Variants in SLC35F4 observed in about 807,000 individuals in gnomAD.
SLC35F4 encodes chromosome 14 open reading frame 36.
Under a neutral mutation model 44.2 loss-of-function variants are expected in SLC35F4, and 24 were observed. That is an observed-to-expected ratio of 0.54 (90% confidence interval 0.39 to 0.76). SLC35F4 has a LOEUF of 0.76. Among genes scored for constraint, SLC35F4 ranks in the 30% least tolerant of loss-of-function variants. SLC35F4 has a pLI of 0.00. For synonymous variants in SLC35F4, 238 were observed against 223.6 expected (o/e 1.06, Z -0.57); for missense variants, 562 against 586.1 (o/e 0.96, Z 0.42).
Position 57,578,325 on chromosome 14 carries a change from G to GTTTTTTTTTTTT in SLC35F4, c.807+2877_807+2888dup, listed in dbSNP as rs199785589. On this transcript the variant is annotated intron_variant, in intron 4 of 7. Coordinates refer to ENST00000556826, the MANE Select transcript of SLC35F4 (RefSeq NM_001306087.2). ...GATGACTGAAAGCATCCCTTTAACT[G>GTTTTTTTTTTTT]TTTTTTTTTTTTTTTTTTTTTTTTT... 1.8e-3 allele frequency among the ~76,000 whole-genome samples: 78 copies of GTTTTTTTTTTTT among 43,166 alleles called. 29 individuals are homozygous for GTTTTTTTTTTTT. Among genetic ancestry groups the GTTTTTTTTTTTT allele is most frequent in the Non-Finnish European group, 2.8e-3 (61 of 21,764 alleles). The allele number at this position is 43,166 out of a possible 152,430, so 28.3% of individuals were successfully genotyped here. A position where few individuals can be genotyped will look rare whatever the true frequency, so the allele number is the denominator to read the frequency against.
chr14:57,867,287 A>G (rs1888193936), upstream of SLC35F4, among the ~76,000 whole-genome samples: 1 of 152,210 alleles, frequency 6.6e-6, no homozygotes, highest in African/African-American at 2.4e-5. Flanking sequence ...GAAATATGCA[A>G]ATTTTTTTTC....
At chr14:57,857,935 A>G (rs1007548430) in intron 1 of SLC35F4, among the ~76,000 whole-genome samples, 12 of 152,096 alleles carry the variant, frequency 7.9e-5, no homozygotes, top group Non-Finnish European at 1.5e-4. Context: ...ATGAGCTGCC[A>G]TCATCACTGG....
chr14:57,667,935 T>C (rs2074373984), intron 1 of SLC35F4, among the ~76,000 whole-genome samples: 1 of 136,430 alleles, frequency 7.3e-6, no homozygotes, highest in Non-Finnish European at 1.6e-5. Context: ...GTTGAACTAG[T>C]TTACAGTCCC....
intron 1 of SLC35F4, among the ~76,000 whole-genome samples, chr14:57,880,773 A>G (rs924941941): frequency 2.6e-5 from 4 of 152,180 alleles, no homozygotes; most frequent in Non-Finnish European, 5.9e-5. Flanking sequence ...TCTGTGCTTC[A>G]GATTTTGATT....
Position 57,564,011 on chromosome 14 carries a change from C to A in SLC35F4, c.*124G>T. On this transcript the variant is annotated 3_prime_UTR_variant, in exon 8 of 8. Transcript: ENST00000556826. The stretch of plus-strand genomic sequence containing the variant: ...TATAAATGTAAACTTTTATTGTTGG[C>A]ATTATTTCACATATGATTTATCCAA... 9.7e-7 allele frequency: 1 copy of A among 1,034,434 alleles called. No individual in the cohort carries two copies. Among genetic ancestry groups the A allele is most frequent in the South Asian group, 1.8e-5 (1 of 55,656 alleles). The allele number at this position is 1,034,434 out of a possible 1,614,324, so 64.1% of individuals were successfully genotyped here. A position where few individuals can be genotyped will look rare whatever the true frequency, so the allele number is the denominator to read the frequency against.
intron 1 of SLC35F4, among the ~76,000 whole-genome samples, chr14:57,872,047 G>C (rs1191236052): frequency 6.6e-6 from 1 of 152,178 alleles, no homozygotes; most frequent in African/African-American, 2.4e-5. Context: ...GAAACATTAT[G>C]AGTGGCACAG....
chr14:57,589,625 T>A, intron 2 of SLC35F4, 112 bp from the exon 3 acceptor site: 1 of 1,128,844 alleles, frequency 8.9e-7, no homozygotes, highest in Non-Finnish European at 1.2e-6. Context: ...ACAGTAGAAT[T>A]ACCAGTGTTT....
chr14:57,974,711 A>G (rs1196475612), downstream of SLC35F4, among the ~76,000 whole-genome samples: 1 of 152,208 alleles, frequency 6.6e-6, no homozygotes, highest in Non-Finnish European at 1.5e-5. Flanking sequence ...GATACCTTTA[A>G]GAAGTGTTGA....
intron 1 of SLC35F4, among the ~76,000 whole-genome samples, chr14:57,882,396 C>A (rs2141033455): frequency 6.6e-6 from 1 of 152,294 alleles, no homozygotes; most frequent in Admixed American, 6.5e-5. Flanking sequence ...AATCAACACA[C>A]CTGTCCTAGC....
intron 1 of SLC35F4, among the ~76,000 whole-genome samples, chr14:57,822,050 G>T (rs1419227017): frequency 2.6e-5 from 4 of 152,124 alleles, no homozygotes; most frequent in Non-Finnish European, 5.9e-5. Flanking sequence ...ACTGGCCCTG[G>T]CCTGGCAAAT....
chr14:57,867,602 A>ACCCC (rs11372858), upstream of SLC35F4, among the ~76,000 whole-genome samples: 53 of 148,094 alleles, frequency 3.6e-4, no homozygotes, highest in East Asian at 8.3e-3. Flanking sequence ...ATGCCTTTAC[A>ACCCC]CCCCCCCCCA....
At chr14:57,827,349 G>A (rs374795248) in intron 1 of SLC35F4, among the ~76,000 whole-genome samples, 3 of 152,008 alleles carry the variant, frequency 2.0e-5, no homozygotes, top group Admixed American at 6.6e-5. Context: ...GACCTTTCAC[G>A]GGAGCTGGGG....
chr14:57,637,593 C>T (rs887420665), intron 1 of SLC35F4, among the ~76,000 whole-genome samples: 32 of 152,160 alleles, frequency 2.1e-4, no homozygotes, highest in African/African-American at 4.1e-4. Context: ...GTACTAGAAG[C>T]AGGCTCAATC....
chr14:57,919,302 T>C lies in SLC35F4; in HGVS notation n.282+62611A>G, dbSNP rs1035942623. The stretch of plus-strand genomic sequence containing the variant: ...CCTAACTAATACAGGATTACACTCA[T>C]GGCCCAAGGGACAATAACCTACTCC... On this transcript the variant is annotated intron_variant and non_coding_transcript_variant, in intron 1 of 1. Transcript: ENST00000556568. Among the ~76,000 whole-genome samples, 5 of 152,238 alleles carry C rather than the reference T, an allele frequency of 3.3e-5. No individual in the cohort carries two copies. In the South Asian group the frequency reaches 6.2e-4, roughly 19 times the overall value.
At chr14:57,855,346 AAAAC>A (rs377386633) in intron 1 of SLC35F4, among the ~76,000 whole-genome samples, 14 of 152,338 alleles carry the variant, frequency 9.2e-5, no homozygotes, top group Admixed American at 3.3e-4. Context: ...ACAAGAAAAA[AAAAC>A]AAACAAACCC....
At chr14:57,760,790 T>C (rs193244520) in intron 1 of SLC35F4, among the ~76,000 whole-genome samples, 1 of 152,200 alleles carries the variant, frequency 6.6e-6, no homozygotes. Context: ...ATAAGCATTA[T>C]TTCCAGTACT....
At chr14:57,751,040 T>C (rs2076872134) in intron 1 of SLC35F4, among the ~76,000 whole-genome samples, 1 of 152,210 alleles carries the variant, frequency 6.6e-6, no homozygotes, top group Admixed American at 6.5e-5. Context: ...GCATCATCAT[T>C]ACAGCAGCTA....
At chr14:57,675,762 T>C (rs1442167947) in intron 1 of SLC35F4, among the ~76,000 whole-genome samples, 1 of 152,116 alleles carries the variant, frequency 6.6e-6, no homozygotes, top group African/African-American at 2.4e-5. Flanking sequence ...TCTGCACCTA[T>C]TGAGATGATC....
chr14:57,732,066 C>G (rs1156376784), intron 1 of SLC35F4, among the ~76,000 whole-genome samples: 1 of 152,098 alleles, frequency 6.6e-6, no homozygotes, highest in Non-Finnish European at 1.5e-5. Flanking sequence ...TAAGAGGTAA[C>G]AGTAAGATCA....
Sources: gnomAD v4.1 joint callset for allele counts (sites outside exome capture counted in the v4.1 genomes callset) on GRCh38, gnomAD v4.1.1 for gene constraint, MANE v1.5 for transcripts, NCBI Gene and HGNC (gene_info 2026-07-23, HGNC 2026-07-21) for gene names.